The following PACRG variants were observed in gnomAD, a reference collection of about 807,000 sequenced individuals.
The protein encoded by PACRG is parkin coregulated gene protein.
PACRG carries 29 observed loss-of-function variants against 29.7 expected under a neutral mutation model. That is an observed-to-expected ratio of 0.98 (90% CI 0.73 to 1.33). PACRG has a LOEUF of 1.33. Ranked by LOEUF, PACRG falls within the 40% of genes most tolerant of loss-of-function variation. The pLI is 0.00. For synonymous variants in PACRG, 116 were observed against 118.7 expected, an observed-to-expected ratio of 0.98 and a Z score of 0.15; for missense variants, 279 against 316.2, an observed-to-expected ratio of 0.88 and a Z score of 0.89.
chr6:162,783,465 A>T (rs113466547), intron 1 of PACRG, among the ~76,000 whole-genome samples: 6 of 152,084 alleles, frequency 3.9e-5, no homozygotes, highest in African/African-American at 1.4e-4. Context: ...CTACTGGCAA[A>T]ATGAAATTAT....
chr6:163,169,308 G>T (rs990493937), intron 4 of PACRG, among the ~76,000 whole-genome samples: 6 of 152,222 alleles, frequency 3.9e-5, no homozygotes, highest in African/African-American at 1.4e-4. Context: ...AGGAAAGAGA[G>T]CACCTTTCCT....
intron 1 of PACRG, among the ~76,000 whole-genome samples, chr6:162,749,076 G>C (rs1781315204): frequency 6.6e-6 from 1 of 152,072 alleles, no homozygotes; most frequent in Non-Finnish European, 1.5e-5. Context: ...GAATTATTTT[G>C]AGATGCATTC....
chr6:163,136,960 G>A (rs1396610021), intron 4 of PACRG, among the ~76,000 whole-genome samples: 1 of 152,124 alleles, frequency 6.6e-6, no homozygotes, highest in African/African-American at 2.4e-5. Context: ...TAAACACTTT[G>A]GATGCACCAC....
intron 3 of PACRG, among the ~76,000 whole-genome samples, chr6:163,071,267 A>T (rs897226019): frequency 6.6e-6 from 1 of 152,136 alleles, no homozygotes; most frequent in East Asian, 1.9e-4. Flanking sequence ...CATGTGGATC[A>T]TCTCAAGGAT....
chr6:163,271,407 G>A (rs1323061695), intron 4 of PACRG, among the ~76,000 whole-genome samples: 1 of 144,474 alleles, frequency 6.9e-6, no homozygotes, highest in Non-Finnish European at 1.5e-5. Context: ...AGGTTTGAAT[G>A]AATCTTTTTC....
At chr6:163,123,618 A>G (rs1037141754) in intron 4 of PACRG, among the ~76,000 whole-genome samples, 3 of 152,160 alleles carry the variant, frequency 2.0e-5, no homozygotes, top group Non-Finnish European at 2.9e-5. Context: ...TATCTTGTGT[A>G]ACTGTAATTT....
Position 163,223,101 on chromosome 6 carries a change from A to G in PACRG, c.614-91726A>G, listed in dbSNP as rs539220525. 2.0e-4 allele frequency among the ~76,000 whole-genome samples: 31 copies of G among 152,358 alleles called. No homozygotes were observed. The South Asian group carries it at 6.2e-3, about 31-fold the overall frequency. ...ATACCTAGGGAAAAAGAAGTAAAAC[A>G]AAAGAACATTGACCGGGCGCGATGG... On this transcript the variant is annotated intron_variant, in intron 4 of 4. Coordinates refer to ENST00000366888, the MANE Select transcript of PACRG (RefSeq NM_001080379.2).
chr6:163,178,451 G>T (rs1232204502), intron 4 of PACRG, among the ~76,000 whole-genome samples: 4 of 152,168 alleles, frequency 2.6e-5, no homozygotes, highest in African/African-American at 9.7e-5. Flanking sequence ...GGCTCCGGCA[G>T]CCACCTTTGG....
At chr6:162,733,119 A>G (rs1341842976) in intron 1 of PACRG, among the ~76,000 whole-genome samples, 2 of 152,242 alleles carry the variant, frequency 1.3e-5, no homozygotes, top group Non-Finnish European at 1.5e-5. Context: ...ACTGTTTTAA[A>G]TGCTAGGAAT....
chr6:162,811,365 A>G (rs1377053570), intron 1 of PACRG, among the ~76,000 whole-genome samples: 1 of 152,168 alleles, frequency 6.6e-6, no homozygotes, highest in East Asian at 1.9e-4. Context: ...GCAATTCTAC[A>G]CTTGTAAGTT....
chr6:163,310,289 G>T (rs1157957659), intron 4 of PACRG: 1 of 152,214 alleles, frequency 6.6e-6, no homozygotes, highest in Non-Finnish European at 1.5e-5. Context: ...GGCAAGCAAA[G>T]CGCCACGGGG....
At chr6:163,271,034 G>A (rs1010071521) in intron 4 of PACRG, among the ~76,000 whole-genome samples, 15 of 152,236 alleles carry the variant, frequency 9.9e-5, no homozygotes, top group Non-Finnish European at 2.1e-4. Flanking sequence ...GCCAGTTCGA[G>A]TCCCAAAACC....
At chr6:163,115,554 G>A (rs778535856) in intron 4 of PACRG, among the ~76,000 whole-genome samples, 1 of 152,078 alleles carries the variant, frequency 6.6e-6, no homozygotes, top group African/African-American at 2.4e-5. Flanking sequence ...GAGATAGTTT[G>A]TGTGAAAGAT....
chr6:162,948,411 A>C (rs1452352086), intron 2 of PACRG, among the ~76,000 whole-genome samples: 1 of 152,132 alleles, frequency 6.6e-6, no homozygotes, highest in East Asian at 1.9e-4. Context: ...TTGAACACTT[A>C]AATGTAAGAC....
At chr6:163,038,268 A>G (rs1421138926) in intron 2 of PACRG, among the ~76,000 whole-genome samples, 1 of 152,228 alleles carries the variant, frequency 6.6e-6, no homozygotes, top group Admixed American at 6.5e-5. Flanking sequence ...TCAAAATGGA[A>G]AAACTGGAGA....
At chr6:162,817,869 T>C (rs1426397663) in intron 2 of PACRG, among the ~76,000 whole-genome samples, 1 of 152,174 alleles carries the variant, frequency 6.6e-6, no homozygotes, top group African/African-American at 2.4e-5. Context: ...ATGCATATCA[T>C]AAATTTATTA....
chr6:162,727,345 C>CGGCGGCGGGGCGAAGGTGAG, upstream of PACRG: 2 of 311,060 alleles, frequency 6.4e-6, no homozygotes, highest in Non-Finnish European at 1.1e-5. Flanking sequence ...GAGAAGGCTT[C>CGGCGGCGGGGCGAAGGTGAG]GGGACCCCAC....
At chr6:163,210,707 C>G (rs143653405) in intron 4 of PACRG, among the ~76,000 whole-genome samples, 1 of 152,332 alleles carries the variant, frequency 6.6e-6, no homozygotes, top group Non-Finnish European at 1.5e-5. Context: ...AAAATAATTT[C>G]TGTTCTTTGT....
chr6:162,983,037 T>C (rs1469559914), intron 2 of PACRG, among the ~76,000 whole-genome samples: 2 of 152,046 alleles, frequency 1.3e-5, no homozygotes, highest in African/African-American at 4.8e-5. Flanking sequence ...GTTGAACGGA[T>C]CCTTTTATCA....
Sources: allele counts gnomAD v4.1 joint callset (sites outside exome capture counted in the v4.1 genomes callset), GRCh38; gene constraint gnomAD v4.1.1; transcripts MANE v1.5; gene names NCBI Gene and HGNC (gene_info 2026-07-23, HGNC 2026-07-21).